PRPF8: variants seen among roughly 807,000 people sequenced by gnomAD.
The protein encoded by PRPF8 is pre-mRNA-processing-splicing factor 8.
In PRPF8, 64 loss-of-function variants were observed where a neutral mutation model predicts 285.9. The ratio of observed to expected loss-of-function variants is 0.22; its 90% CI spans 0.18 to 0.28. PRPF8 has a LOEUF of 0.28. Among genes scored for constraint, PRPF8 ranks in the 10% least tolerant of loss-of-function variants. The pLI, the probability that PRPF8 is intolerant of heterozygous loss-of-function variation, is 1.00. For synonymous variants in PRPF8, 1,325 were observed against 1,118.2 expected (o/e 1.18, Z -3.69); for missense variants, 1,426 against 3,026.7 (o/e 0.47, Z 12.41).
rs774252957 is a variant in PRPF8, at chr17:1,673,008, G to A, written c.3774+73C>T. On this transcript the variant is annotated intron_variant, in intron 24 of 42. Transcript: ENST00000304992. The surrounding 1 kb of genome is among the most constrained non-coding windows in gnomAD (Gnocchi z 5.5). ...GAGAAGGAAGCAGCCAGCAGGGGAC[G>A]AAGTGAAAGGGGTGTGAAATGAGCA... The A allele has an allele frequency of 1.8e-5, 25 of 1,377,214 alleles. No homozygotes were observed. The highest frequency in any genetic ancestry group is 2.3e-5 in the East Asian group (1 of 43,734). The allele number at this position is 1,377,214 out of a possible 1,614,324, so 85.3% of individuals were successfully genotyped here.
At chr17:1,668,555 G>A (rs1435088121) in intron 24 of PRPF8, among the ~76,000 whole-genome samples, 1 of 151,652 alleles carries the variant, frequency 6.6e-6, no homozygotes, top group Admixed American at 6.6e-5. Context: ...GTAGAGACGG[G>A]GTTTCACCGC....
In PRPF8 at chr17:1,673,072, G is replaced by A. The variant is rs1291638358; in HGVS notation, c.3774+9C>T. 1 of 1,613,184 alleles carries A rather than the reference G, an allele frequency of 6.2e-7. No individual in the cohort carries two copies. The highest frequency in any genetic ancestry group is 1.1e-5 in the South Asian group (1 of 91,066). ...GACAAGAGGGAAGCTGGGCATGACG[G>A]CCCTGTACCTTGGTGAAGGTGGTGG... On this transcript the variant is annotated intron_variant, in intron 24 of 42. Coordinates refer to ENST00000304992, the MANE Select transcript of PRPF8 (RefSeq NM_006445.4). This position sits in a 1 kb window ranked among gnomAD's most constrained non-coding sequence, Gnocchi z 5.5.
Position 1,659,786 on chromosome 17 carries a change from G to C in PRPF8, c.4946+55C>G. ...AATTCCTAAAGTTGCAGGGCTAGAA[G>C]AACAGGAAAACGAAAGTGTCCTGGC... is the stretch of plus-strand genomic sequence containing the variant. On this transcript the variant is annotated intron_variant, in intron 31 of 42. Coordinates refer to ENST00000304992, the MANE Select transcript of PRPF8 (RefSeq NM_006445.4). This position sits in a 1 kb window ranked among gnomAD's most constrained non-coding sequence, Gnocchi z 5.1. 1 of 1,592,804 alleles carries C rather than the reference G, an allele frequency of 6.3e-7. No homozygotes were observed. Among genetic ancestry groups the C allele is most frequent in the Non-Finnish European group, 8.6e-7 (1 of 1,162,648 alleles).
At position 1,679,874 on chromosome 17, in the gene PRPF8, G is replaced by A; in HGVS notation, c.1099-75C>T. 6.5e-7 allele frequency: 1 copy of A among 1,546,194 alleles called. No individual in the cohort carries two copies. Among genetic ancestry groups the A allele is most frequent in the East Asian group, 2.2e-5 (1 of 44,548 alleles). Reference sequence around the variant, plus strand: ...GACTTAAGATGAGGGAAATTCTCTGGGGCCAAGCACAAAGCCTGTATCTGC... The same window carrying A: ...GACTTAAGATGAGGGAAATTCTCTGAGGCCAAGCACAAAGCCTGTATCTGC... On this transcript the variant is annotated intron_variant, in intron 8 of 42. Coordinates refer to ENST00000304992, the MANE Select transcript of PRPF8 (RefSeq NM_006445.4). The surrounding 1 kb of genome is among the most constrained non-coding windows in gnomAD (Gnocchi z 4.7).
rs1314826854 is a variant in PRPF8, at chr17:1,683,726, G to A, written c.101-25C>T. The A allele has an allele frequency of 2.5e-6, 4 of 1,612,834 alleles. No individual in the cohort carries two copies. In the Admixed American group the frequency reaches 5.0e-5, roughly 20 times the overall value. ...GCTGGAAAGGCACCTCAGTTTAAAG[G>A]CCTGCACACCCTCCCCCTAATCCTC... On this transcript the variant is annotated intron_variant, in intron 2 of 42. Transcript: ENST00000304992.
In PRPF8 at chr17:1,653,165, CCT is replaced by C. The variant is rs1911176767; in HGVS notation, c.6369+375_6369+376del. 1 of 381,766 alleles carries C rather than the reference CCT, an allele frequency of 2.6e-6. No individual in the cohort carries two copies. Among genetic ancestry groups the C allele is most frequent in the Non-Finnish European group, 5.0e-6 (1 of 199,592 alleles). 23.6% of individuals were successfully genotyped at this position (381,766 alleles called of 1,614,324 possible). ...ATATTGGTCAGGCTGGTCTCAAACCCCTGACCTCAGGTGATCCACCCACCTAG... is the reference window on the plus strand; with the variant it reads ...ATATTGGTCAGGCTGGTCTCAAACCCGACCTCAGGTGATCCACCCACCTAG... On this transcript the variant is annotated intron_variant, in intron 39 of 42. Coordinates refer to ENST00000304992, the MANE Select transcript of PRPF8 (RefSeq NM_006445.4). This position sits in a 1 kb window ranked among gnomAD's most constrained non-coding sequence, Gnocchi z 4.9.
chr17:1,655,584 G>A (rs1388511691), intron 36 of PRPF8, 41 bp from the exon 37 acceptor site: 3 of 1,518,110 alleles, frequency 2.0e-6, no homozygotes, highest in African/African-American at 1.4e-5. Flanking sequence ...TCAGCTGCTT[G>A]AGGCTCTCCC....
In PRPF8 at chr17:1,676,965, G is replaced by A; in HGVS notation, c.2181+11C>T. 1 of 1,613,266 alleles carries A rather than the reference G, an allele frequency of 6.2e-7. No individual in the cohort carries two copies. The highest frequency in any genetic ancestry group is 8.5e-7 in the Non-Finnish European group (1 of 1,179,986). On this transcript the variant is annotated intron_variant, in intron 15 of 42. Transcript: ENST00000304992. This position sits in a 1 kb window ranked among gnomAD's most constrained non-coding sequence, Gnocchi z 6.3. ...ATGTTTACGCCTCCAAGGAAATAAA[G>A]AGACACCCACCTTCCAGGGAATGTT...
chr17:1,654,565 CA>C (rs1205382651), intron 37 of PRPF8: 1 of 221,090 alleles, frequency 4.5e-6, no homozygotes, highest in Non-Finnish European at 9.1e-6. Context: ...AGCCCTAAAA[CA>C]GGGATGCTTC....
At position 1,682,231 on chromosome 17, in the gene PRPF8, TCCCAAGGCATAGGCATGTTCTCCA is replaced by T; in HGVS notation, c.308_331del (p.Leu103_Glu111delinsGln). Reference sequence around the variant, plus strand: ...CAGCACAGGCACATCCCGAATCTGCTCCCAAGGCATAGGCATGTTCTCCAGGAGTTTGAGGACTGCGTGGGGCAT... The same window carrying T: ...CAGCACAGGCACATCCCGAATCTGCTGGAGTTTGAGGACTGCGTGGGGCAT... On this transcript the variant is annotated inframe_deletion, in exon 4 of 43. Coordinates refer to ENST00000304992, the MANE Select transcript of PRPF8 (RefSeq NM_006445.4). 6.2e-7 allele frequency: 1 copy of T among 1,613,948 alleles called. No individual in the cohort carries two copies. The highest frequency in any genetic ancestry group is 8.5e-7 in the Non-Finnish European group (1 of 1,179,972).
chr17:1,679,448 C>T lies in PRPF8; in HGVS notation c.1290-38G>A. 6.2e-7 allele frequency: 1 copy of T among 1,611,786 alleles called. No individual in the cohort carries two copies. The highest frequency in any genetic ancestry group is 2.2e-5 in the East Asian group (1 of 44,852). On this transcript the variant is annotated intron_variant, in intron 9 of 42. Transcript: ENST00000304992. The surrounding 1 kb of genome is among the most constrained non-coding windows in gnomAD (Gnocchi z 4.7). ...GCCCACCAGAGTTTGGCCATCTCTT[C>T]TTCCAGACACTCTGCTAAAGGCTGC...
chr17:1,677,602 C>T lies in PRPF8; in HGVS notation c.1947G>A (p.Glu649=), dbSNP rs1334832431. The T allele has an allele frequency of 1.9e-6, 3 of 1,613,856 alleles. No homozygotes were observed. The highest frequency in any genetic ancestry group is 1.1e-5 in the South Asian group (1 of 91,082). ...GGGCCAGGAGGTTGCCAAGCCATCG[C>T]TCTAATAAAGGGGTAATGCCACGCA... is the stretch of plus-strand genomic sequence containing the variant. ...FFMRGITPLL[E]RWLGNLLARQ... is the part of the protein sequence containing the mutation. Residue 649 remains glutamate, a synonymous_variant, in exon 14 of 43, where the codon GAG becomes GAA. Coordinates refer to ENST00000304992, the MANE Select transcript of PRPF8 (RefSeq NM_006445.4).
rs1439205645 is a variant in PRPF8 at position 1,676,786 on chromosome 17, C to G, written c.2182-75G>C. On this transcript the variant is annotated intron_variant, in intron 15 of 42. Transcript: ENST00000304992. The surrounding 1 kb of genome is among the most constrained non-coding windows in gnomAD (Gnocchi z 6.3). The stretch of plus-strand genomic sequence containing the variant: ...GCACACATCTGTAGTCCCGGCTACT[C>G]AGGAGGCTAAGGAGGATCGCTTGAG... 15 of 1,557,084 alleles carry G rather than the reference C, an allele frequency of 9.6e-6. No individual in the cohort carries two copies. In the African/African-American group the frequency reaches 1.1e-4, roughly 11 times the overall value.
Position 1,653,772 on chromosome 17 carries a change from A to G in PRPF8, c.6227+5T>C. ...TTCCATCCCCACCCTCTTGCCCGAC[A>G]GTACCTGACCCTCCACTCAGTCTTG... On this transcript the variant is annotated splice_donor_5th_base_variant and intron_variant, in intron 38 of 42. Transcript: ENST00000304992. This position sits in a 1 kb window ranked among gnomAD's most constrained non-coding sequence, Gnocchi z 4.9. The G allele has an allele frequency of 6.2e-7, 1 of 1,614,170 alleles. No individual in the cohort carries two copies. The highest frequency in any genetic ancestry group is 1.7e-5 in the Admixed American group (1 of 60,016).
chr17:1,675,555 A>G lies in PRPF8; in HGVS notation c.2872+65T>C. On this transcript the variant is annotated intron_variant, in intron 19 of 42. Coordinates refer to ENST00000304992, the MANE Select transcript of PRPF8 (RefSeq NM_006445.4). The surrounding 1 kb of genome is among the most constrained non-coding windows in gnomAD (Gnocchi z 6.0). ...GTAAACCAATCATGCTACCCAGATG[A>G]GATTTTTGACGTAGAACTAAATTCC... The G allele has an allele frequency of 6.3e-7, 1 of 1,596,196 alleles. No individual in the cohort carries two copies. The highest frequency in any genetic ancestry group is 1.1e-5 in the South Asian group (1 of 90,770).
rs1158423204 is a variant in PRPF8 at position 1,681,072 on chromosome 17, G to A, written c.867-18C>T. The A allele has an allele frequency of 1.2e-6, 2 of 1,610,148 alleles. No homozygotes were observed. Among genetic ancestry groups the A allele is most frequent in the African/African-American group, 1.3e-5 (1 of 74,432 alleles). On this transcript the variant is annotated intron_variant, in intron 6 of 42. Coordinates refer to ENST00000304992, the MANE Select transcript of PRPF8 (RefSeq NM_006445.4). ...CTTCATCCCTAGGGTACAACATCAAGAATAAGCAGACTTTTTTTTTTTTGA... is the reference window on the plus strand; with the variant it reads ...CTTCATCCCTAGGGTACAACATCAAAAATAAGCAGACTTTTTTTTTTTTGA...
chr17:1,675,144 A>C lies in PRPF8; in HGVS notation c.3060+8T>G. 3 of 1,613,120 alleles carry C rather than the reference A, an allele frequency of 1.9e-6. No homozygotes were observed. Among genetic ancestry groups the C allele is most frequent in the Non-Finnish European group, 2.5e-6 (3 of 1,180,040 alleles). Reference sequence around the variant, plus strand: ...ACACAATTCCATGCTACTGCGCCTGAGACGCACCTTATAGTTGATGACGAC... The same window carrying C: ...ACACAATTCCATGCTACTGCGCCTGCGACGCACCTTATAGTTGATGACGAC... On this transcript the variant is annotated splice_region_variant and intron_variant, in intron 20 of 42. Coordinates refer to ENST00000304992, the MANE Select transcript of PRPF8 (RefSeq NM_006445.4). This position sits in a 1 kb window ranked among gnomAD's most constrained non-coding sequence, Gnocchi z 6.0.
At position 1,679,874 on chromosome 17, in the gene PRPF8, G is replaced by C; in HGVS notation, c.1099-75C>G. The C allele has an allele frequency of 6.5e-7, 1 of 1,546,196 alleles. No individual in the cohort carries two copies. On this transcript the variant is annotated intron_variant, in intron 8 of 42. Coordinates refer to ENST00000304992, the MANE Select transcript of PRPF8 (RefSeq NM_006445.4). This position sits in a 1 kb window ranked among gnomAD's most constrained non-coding sequence, Gnocchi z 4.7. ...GACTTAAGATGAGGGAAATTCTCTG[G>C]GGCCAAGCACAAAGCCTGTATCTGC...
Position 1,675,479 on chromosome 17 carries a change from T to C in PRPF8, c.2873-140A>G. 6.9e-7 allele frequency: 1 copy of C among 1,450,408 alleles called. No individual in the cohort carries two copies. The highest frequency in any genetic ancestry group is 9.7e-7 in the Non-Finnish European group (1 of 1,036,026). 89.8% of individuals were successfully genotyped at this position (1,450,408 alleles called of 1,614,324 possible). A position where few individuals can be genotyped will look rare whatever the true frequency, so the allele number is the denominator to read the frequency against. On this transcript the variant is annotated intron_variant, in intron 19 of 42. Transcript: ENST00000304992. The surrounding 1 kb of genome is among the most constrained non-coding windows in gnomAD (Gnocchi z 6.0). ...TTGGATTGCTTTGACTATGGGCTTT[T>C]CCTCAGTTTAACACGAACACTACTT...
Sources: allele counts gnomAD v4.1 joint callset (sites outside exome capture counted in the v4.1 genomes callset), GRCh38; gene constraint gnomAD v4.1.1; non-coding constraint Gnocchi (gnomAD v3.1); transcripts MANE v1.5; gene names NCBI Gene and HGNC (gene_info 2026-07-23, HGNC 2026-07-21).